Variants in DCLK2 observed in about 807,000 individuals in gnomAD.
The protein encoded by DCLK2 is doublecortin like kinase 2.
In DCLK2, 31 loss-of-function variants were observed where a neutral mutation model predicts 78.4. That is an observed-to-expected ratio of 0.40 (90% confidence interval 0.30 to 0.53). The LOEUF (loss-of-function observed/expected upper bound fraction) is 0.53, where lower values mean the gene tolerates loss of function less well. Ranked by LOEUF, DCLK2 falls within the 20% of genes least tolerant of loss-of-function variation. The pLI, the probability that DCLK2 is intolerant of heterozygous loss-of-function variation, is 0.61. For missense variants in DCLK2, 872 were observed against 973.7 expected (o/e 0.90, Z 1.39); for synonymous variants, 407 against 374.9 (o/e 1.09, Z -0.99).
At chr4:150,244,094 G>A (rs1743126716) in intron 12 of DCLK2, among the ~76,000 whole-genome samples, 1 of 151,730 alleles carries the variant, frequency 6.6e-6, no homozygotes, top group Non-Finnish European at 1.5e-5. Context: ...CCACTATATT[G>A]CACTAGTTGT....
At chr4:150,232,299 T>G in intron 8 of DCLK2, 38 bp from the exon 9 acceptor site, 1 of 1,602,710 alleles carries the variant, frequency 6.2e-7, no homozygotes, top group African/African-American at 1.3e-5. Flanking sequence ...GAGGGTTCTG[T>G]GATTTCTGAT....
intron 2 of DCLK2, among the ~76,000 whole-genome samples, chr4:150,111,807 CTAT>C (rs1295559582): frequency 6.6e-6 from 1 of 152,106 alleles, no homozygotes. Context: ...TCTAGACTCC[CTAT>C]TCTGTTGTGT....
chr4:150,185,389 G>A (rs1737847453), intron 2 of DCLK2, among the ~76,000 whole-genome samples: 1 of 152,034 alleles, frequency 6.6e-6, no homozygotes, highest in Admixed American at 6.6e-5. Context: ...TTTGGGTGGG[G>A]ACACAGAGCC....
chr4:150,165,184 A>C (rs990656378), intron 2 of DCLK2, among the ~76,000 whole-genome samples: 1 of 152,234 alleles, frequency 6.6e-6, no homozygotes, highest in African/African-American at 2.4e-5. Context: ...ACAACTGCTG[A>C]GGACTATGGG....
chr4:150,223,882 C>A (rs1378062277), intron 7 of DCLK2, among the ~76,000 whole-genome samples: 1 of 152,104 alleles, frequency 6.6e-6, no homozygotes, highest in African/African-American at 2.4e-5. Flanking sequence ...GAAGTTTTGG[C>A]TGAGAAATAA....
chr4:150,176,047 C>A (rs762064307), intron 2 of DCLK2, among the ~76,000 whole-genome samples: 3 of 152,160 alleles, frequency 2.0e-5, no homozygotes, highest in Non-Finnish European at 4.4e-5. Context: ...GAATTTATTG[C>A]GGAAGTAACA....
chr4:150,254,301 T>A (rs1744409557), intron 15 of DCLK2: 1 of 398,008 alleles, frequency 2.5e-6, no homozygotes, highest in Admixed American at 4.4e-5. Context: ...GTTTATTGCC[T>A]TAATTTAAGA....
chr4:150,109,374 C>T (rs963803240), intron 2 of DCLK2, among the ~76,000 whole-genome samples: 6 of 149,416 alleles, frequency 4.0e-5, no homozygotes, highest in Non-Finnish European at 8.9e-5. Context: ...CTGGCTCTGT[C>T]GCCAGGCTGG....
chr4:150,085,320 T>G (rs968441905), intron 1 of DCLK2, among the ~76,000 whole-genome samples: 7 of 152,152 alleles, frequency 4.6e-5, no homozygotes, highest in Non-Finnish European at 1.0e-4. Flanking sequence ...TAAAGAAAAT[T>G]TATTTTATTT....
chr4:150,198,314 A>G (rs1739209820), intron 4 of DCLK2, among the ~76,000 whole-genome samples: 1 of 152,160 alleles, frequency 6.6e-6, no homozygotes, highest in Non-Finnish European at 1.5e-5. Flanking sequence ...TTTTGTTCTG[A>G]CACGTTTTCT....
intron 5 of DCLK2, among the ~76,000 whole-genome samples, chr4:150,216,964 C>T (rs763013014): frequency 6.6e-6 from 1 of 152,166 alleles, no homozygotes; most frequent in Non-Finnish European, 1.5e-5. Context: ...TTGAGGAGGA[C>T]CCTACTAGCA....
chr4:150,174,169 C>T (rs1386116924), intron 2 of DCLK2, among the ~76,000 whole-genome samples: 1 of 152,158 alleles, frequency 6.6e-6, no homozygotes, highest in African/African-American at 2.4e-5. Context: ...CGCATGTGCA[C>T]ACCCACAGAG....
intron 1 of DCLK2, among the ~76,000 whole-genome samples, chr4:150,101,549 A>T (rs1172628664): frequency 6.6e-6 from 1 of 152,284 alleles, no homozygotes; most frequent in Admixed American, 6.5e-5. Context: ...GAAAAACCTT[A>T]GTATAACCCT....
At position 150,221,720 on chromosome 4, in the gene DCLK2, G is replaced by T; in HGVS notation, c.1176G>T (p.Glu392Asp). The T allele has an allele frequency of 6.2e-7, 1 of 1,606,280 alleles. No homozygotes were observed. The highest frequency in any genetic ancestry group is 1.1e-5 in the South Asian group (1 of 88,956). Residue 392 changes from glutamate to aspartate, a missense_variant, in exon 7 of 16, where the codon GAG becomes GAT. Around this residue, in one of 3 missense-constraint regions of DCLK2, gnomAD observed 567 missense variants for 593.4 expected, o/e 0.96. Transcript: ENST00000296550. Reference protein sequence around the residue: ...NRCSESSTLLEKYKIGKVIGD... With the variant: ...NRCSESSTLLDKYKIGKVIGD... ...GCTCTGAATCATCAACTCTTCTTGAGAAATACAAAATTGGAAAGGTCATTG... is the reference window on the plus strand; with the variant it reads ...GCTCTGAATCATCAACTCTTCTTGATAAATACAAAATTGGAAAGGTCATTG...
chr4:150,246,401 C>T (rs1743312335), intron 12 of DCLK2, among the ~76,000 whole-genome samples: 2 of 152,130 alleles, frequency 1.3e-5, no homozygotes. Context: ...TCACAACAGC[C>T]CTAGAATTTA....
intron 3 of DCLK2, among the ~76,000 whole-genome samples, chr4:150,194,101 T>A (rs371037407): frequency 6.6e-6 from 1 of 151,602 alleles, no homozygotes; most frequent in Non-Finnish European, 1.5e-5. Flanking sequence ...TATACAGTCA[T>A]GTACCATGTA....
chr4:150,242,977 G>A (rs990816648), intron 12 of DCLK2, among the ~76,000 whole-genome samples: 1 of 152,206 alleles, frequency 6.6e-6, no homozygotes, highest in African/African-American at 2.4e-5. Flanking sequence ...TTACAGTGGA[G>A]TTCCCTTCCC....
In DCLK2 at chr4:150,253,332, C is replaced by T. The variant is rs761669434; in HGVS notation, c.2074-2688C>T. ...TCATCAGATAACTTACAGACAGGAC[C>T]TTCCCATCTGCTGTCACCCTAGTGT... On this transcript the variant is annotated intron_variant, in intron 15 of 15. Transcript: ENST00000296550. 4.8e-6 allele frequency: 4 copies of T among 825,072 alleles called. No homozygotes were observed. In the African/African-American group the frequency reaches 6.9e-5, roughly 14 times the overall value. 51.1% of individuals were successfully genotyped at this position (825,072 alleles called of 1,614,324 possible). A position where few individuals can be genotyped will look rare whatever the true frequency, so the allele number is the denominator to read the frequency against.
At chr4:150,237,712 G>A (rs1742613597) in intron 10 of DCLK2, among the ~76,000 whole-genome samples, 1 of 152,090 alleles carries the variant, frequency 6.6e-6, no homozygotes, top group Admixed American at 6.5e-5. Context: ...AATGGATGAT[G>A]TTGCTAACAT....
Sources: allele counts gnomAD v4.1 joint callset (sites outside exome capture counted in the v4.1 genomes callset), GRCh38; gene constraint gnomAD v4.1.1; regional missense constraint gnomAD v4.1.1; transcripts MANE v1.5; gene names NCBI Gene and HGNC (gene_info 2026-07-23, HGNC 2026-07-21).